The following DOCK3 variants were observed in gnomAD, a reference collection of about 807,000 sequenced individuals.
DOCK3 encodes dedicator of cytokinesis 3.
DOCK3 carries 60 observed loss-of-function variants against 265.6 expected under a neutral mutation model. That is an observed-to-expected ratio of 0.23 (90% CI 0.18 to 0.28). The LOEUF (loss-of-function observed/expected upper bound fraction) is 0.28, where lower values mean the gene tolerates loss of function less well. DOCK3 is among the 10% of genes least tolerant of loss of function. The pLI, the probability that DOCK3 is intolerant of heterozygous loss-of-function variation, is 1.00. For missense variants in DOCK3, 1,981 were observed against 2,594.3 expected, an observed-to-expected ratio of 0.76 and a Z score of 5.14; for synonymous variants, 881 against 938.0, an observed-to-expected ratio of 0.94 and a Z score of 1.11.
At chr3:50,800,046 CCA>C (rs1466366716) in intron 2 of DOCK3, among the ~76,000 whole-genome samples, 3 of 152,048 alleles carry the variant, frequency 2.0e-5, no homozygotes, top group South Asian at 2.1e-4. Context: ...GGGATTTATC[CCA>C]CTTGGTTATG....
At chr3:50,765,112 C>T (rs1336959314) in intron 1 of DOCK3, among the ~76,000 whole-genome samples, 1 of 124,778 alleles carries the variant, frequency 8.0e-6, no homozygotes, top group South Asian at 2.8e-4. Flanking sequence ...GACAGAGTCT[C>T]GCTTTGTCGC....
chr3:51,361,027 C>T lies in DOCK3; in HGVS notation c.5006+395C>T, dbSNP rs575825725. On this transcript the variant is annotated intron_variant, in intron 47 of 52. Transcript: ENST00000266037. The surrounding 1 kb of genome is among the most constrained non-coding windows in gnomAD (Gnocchi z 4.2). Reference sequence around the variant, plus strand: ...GGCTGGAGTGCCGGATTCCAGGGCACGGAAAGGGGATAGGATCAGCTCTGA... The same window carrying T: ...GGCTGGAGTGCCGGATTCCAGGGCATGGAAAGGGGATAGGATCAGCTCTGA... Among the ~76,000 whole-genome samples, 74 of 152,222 alleles carry T rather than the reference C, an allele frequency of 4.9e-4. No homozygotes were observed. Among genetic ancestry groups the T allele is most frequent in the East Asian group, 1.4e-3 (7 of 5,180 alleles).
chr3:51,099,138 A>C (rs1420474149), intron 9 of DOCK3, among the ~76,000 whole-genome samples: 1 of 152,238 alleles, frequency 6.6e-6, no homozygotes, highest in African/African-American at 2.4e-5. Flanking sequence ...TTTAAAGCTA[A>C]ATATATTTCA....
chr3:50,863,787 G>A (rs1349189318), intron 3 of DOCK3, among the ~76,000 whole-genome samples: 2 of 152,142 alleles, frequency 1.3e-5, no homozygotes, highest in African/African-American at 4.8e-5. Context: ...CAAATGACAG[G>A]ATTTTATTTG....
chr3:51,136,904 A>AT (rs1333918220), intron 9 of DOCK3, among the ~76,000 whole-genome samples: 1 of 152,028 alleles, frequency 6.6e-6, no homozygotes, highest in African/African-American at 2.4e-5. Context: ...CTGCTTCTTA[A>AT]TTTTTTATAT....
At chr3:51,309,311 C>A (rs2082913662) in intron 27 of DOCK3, among the ~76,000 whole-genome samples, 1 of 152,210 alleles carries the variant, frequency 6.6e-6, no homozygotes, top group Non-Finnish European at 1.5e-5. Context: ...ACTGAGTGAA[C>A]GAGACTCCGT....
At chr3:50,768,666 CTT>C (rs928940833) in intron 1 of DOCK3, among the ~76,000 whole-genome samples, 2 of 152,178 alleles carry the variant, frequency 1.3e-5, no homozygotes, top group Non-Finnish European at 2.9e-5. Context: ...TTAATGGACA[CTT>C]ATATTGATTC....
intron 5 of DOCK3, among the ~76,000 whole-genome samples, chr3:50,984,837 A>T (rs1425110355): frequency 6.6e-6 from 1 of 152,228 alleles, no homozygotes; most frequent in East Asian, 1.9e-4. Flanking sequence ...TAAAAATAAT[A>T]TAAGAACTAT....
intron 19 of DOCK3, among the ~76,000 whole-genome samples, chr3:51,230,279 C>T (rs1369670221): frequency 2.6e-5 from 4 of 152,266 alleles, no homozygotes; most frequent in Middle Eastern, 6.8e-3. Context: ...TGTCCCTCCC[C>T]ACTCTAGTAG....
intron 14 of DOCK3, among the ~76,000 whole-genome samples, chr3:51,218,745 ATGT>A (rs372617065): frequency 1.3e-3 from 191 of 152,308 alleles, no homozygotes; most frequent in African/African-American, 4.4e-3. Flanking sequence ...ATGATTTATT[ATGT>A]TGTTCTAATA....
At chr3:51,075,632 A>G (rs1427923996) in intron 7 of DOCK3, among the ~76,000 whole-genome samples, 192 bp downstream of exon 7, 1 of 152,196 alleles carries the variant, frequency 6.6e-6, no homozygotes, top group Non-Finnish European at 1.5e-5. Context: ...TAAACTACAG[A>G]TACTGGGCTT....
intron 27 of DOCK3, among the ~76,000 whole-genome samples, chr3:51,300,063 T>C (rs2082293578): frequency 6.6e-6 from 1 of 152,180 alleles, no homozygotes; most frequent in Admixed American, 6.5e-5. Flanking sequence ...TGTTTTTCCA[T>C]TTGTTTGTGT....
chr3:50,888,314 G>T (rs576593086), intron 3 of DOCK3, among the ~76,000 whole-genome samples: 2 of 152,182 alleles, frequency 1.3e-5, no homozygotes, highest in Admixed American at 1.3e-4. Flanking sequence ...GGATGTGAAG[G>T]ACCTCTTCAA....
chr3:50,722,065 A>G (rs2037508893), intron 1 of DOCK3, among the ~76,000 whole-genome samples: 1 of 152,146 alleles, frequency 6.6e-6, no homozygotes, highest in Admixed American at 6.5e-5. Context: ...CTTAAGATTC[A>G]TGGGGTTTTT....
rs1211363096 is a variant in DOCK3, at chr3:50,767,792, C to T, written c.38-10883C>T. 5.3e-5 allele frequency among the ~76,000 whole-genome samples: 8 copies of T among 152,092 alleles called. 1 individual carries two copies. Among genetic ancestry groups the T allele is most frequent in the Non-Finnish European group, 8.8e-5 (6 of 68,024 alleles). ...CATTTGTTTGTGTCCTCTTTTATTT[C>T]GTTGAGCTGTGGTTTGTAGTTCTCC... On this transcript the variant is annotated intron_variant, in intron 1 of 52. Coordinates refer to ENST00000266037, the MANE Select transcript of DOCK3 (RefSeq NM_004947.5).
chr3:50,977,486 G>A (rs1468055173), intron 5 of DOCK3, among the ~76,000 whole-genome samples: 1 of 152,102 alleles, frequency 6.6e-6, no homozygotes, highest in Non-Finnish European at 1.5e-5. Flanking sequence ...CTGTCTTCTG[G>A]CTTGTAGGGT....
chr3:51,088,161 A>G (rs2082499059), intron 7 of DOCK3, among the ~76,000 whole-genome samples: 1 of 152,180 alleles, frequency 6.6e-6, no homozygotes, highest in African/African-American at 2.4e-5. Flanking sequence ...AAAGACAAAT[A>G]TCTCATGTTC....
At chr3:50,983,179 G>A (rs966959762) in intron 5 of DOCK3, among the ~76,000 whole-genome samples, 2 of 152,118 alleles carry the variant, frequency 1.3e-5, no homozygotes, top group African/African-American at 4.8e-5. Flanking sequence ...GTACACAGGG[G>A]GTAGGGATGA....
intron 19 of DOCK3, among the ~76,000 whole-genome samples, chr3:51,233,343 TATCTATC>T (rs2078210141): frequency 4.3e-5 from 2 of 46,120 alleles, no homozygotes; most frequent in South Asian, 1.1e-3. Flanking sequence ...TCTATCTATC[TATCTATC>T]TATCTATCTA....
Sources: allele counts gnomAD v4.1 joint callset (sites outside exome capture counted in the v4.1 genomes callset), GRCh38; gene constraint gnomAD v4.1.1; non-coding constraint Gnocchi (gnomAD v3.1); transcripts MANE v1.5; gene names NCBI Gene and HGNC (gene_info 2026-07-23, HGNC 2026-07-21).